DENND1A: variants seen among roughly 807,000 people sequenced by gnomAD.
DENND1A encodes the protein DENN domain containing 1A, also known as DENN domain-containing protein 1A.
A neutral mutation model predicts 113.7 loss-of-function variants in DENND1A; 51 were observed. The ratio of observed to expected loss-of-function variants is 0.45; its 90% CI spans 0.36 to 0.57. The LOEUF (loss-of-function observed/expected upper bound fraction) is 0.57. Among genes scored for constraint, DENND1A ranks in the 20% least tolerant of loss-of-function variants. DENND1A has a pLI of 0.00. For missense variants in DENND1A, 1,258 were observed against 1,395.9 expected, an observed-to-expected ratio of 0.90 and a Z score of 1.57; for synonymous variants, 565 against 570.8, an observed-to-expected ratio of 0.99 and a Z score of 0.14.
chr9:123,450,777 A>G, intron 17 of DENND1A, 28 bp from the exon 18 acceptor site: 1 of 1,589,132 alleles, frequency 6.3e-7, no homozygotes, highest in South Asian at 1.1e-5. Context: ...TTAAGTTAAG[A>G]TTCCCTTTCT....
intron 19 of DENND1A, among the ~76,000 whole-genome samples, chr9:123,430,990 G>A (rs1190606153): frequency 6.6e-6 from 1 of 152,162 alleles, no homozygotes; most frequent in Non-Finnish European, 1.5e-5. Context: ...GTGACAGAGT[G>A]AGGCCCTGTC....
chr9:123,467,264 G>A (rs2049034330), intron 13 of DENND1A, among the ~76,000 whole-genome samples: 2 of 152,148 alleles, frequency 1.3e-5, no homozygotes, highest in Admixed American at 1.3e-4. Context: ...GCAGGCACTA[G>A]AAAATTGTAT....
intron 6 of DENND1A, among the ~76,000 whole-genome samples, chr9:123,672,050 T>A (rs1434352077): frequency 2.0e-5 from 3 of 152,202 alleles, no homozygotes; most frequent in Non-Finnish European, 4.4e-5. Flanking sequence ...TAAGTGTATA[T>A]TTGTATCTAT....
intron 13 of DENND1A, among the ~76,000 whole-genome samples, chr9:123,465,583 A>C (rs10760289): frequency 0.56 from 85,181 of 152,020 alleles, 26,231 homozygotes; most frequent in Non-Finnish European, 0.69. Context: ...ATTCTTTCAC[A>C]ATAGACTTTC....
intron 13 of DENND1A, among the ~76,000 whole-genome samples, chr9:123,505,046 T>A (rs1156518811): frequency 6.6e-6 from 1 of 152,186 alleles, no homozygotes; most frequent in Non-Finnish European, 1.5e-5. Flanking sequence ...AATAATGAAG[T>A]CTTTAGACAG....
In DENND1A at chr9:123,450,715, A is replaced by G; in HGVS notation, c.1334T>C (p.Val445Ala). 6.2e-7 allele frequency: 1 copy of G among 1,609,988 alleles called. No homozygotes were observed. Among genetic ancestry groups the G allele is most frequent in the Non-Finnish European group, 8.5e-7 (1 of 1,178,962 alleles). The change falls in exon 18 of 24, where the codon GTG becomes GCG. Residue 445 changes from valine to alanine, a missense_variant. This residue lies in a region of DENND1A where 1,159 missense variants were observed against 1,231.7 expected (regional missense o/e 0.94). Coordinates refer to ENST00000394215, the MANE Select transcript of DENND1A (RefSeq NM_001352964.2). ...TACCTTTTGCTTCAAGCGGTTTTTCACCTCTTTTATTCCCATTTTTGCATG... is the reference window on the plus strand; with the variant it reads ...TACCTTTTGCTTCAAGCGGTTTTTCGCCTCTTTTATTCCCATTTTTGCATG... ...KDHAKMGIKE[V>A]KNRLKQKDIA...
intron 4 of DENND1A, among the ~76,000 whole-genome samples, chr9:123,766,832 T>G (rs1201701102): frequency 6.6e-6 from 1 of 152,224 alleles, no homozygotes; most frequent in Non-Finnish European, 1.5e-5. Flanking sequence ...AAGAAAAATC[T>G]TAAAACAACA....
intron 19 of DENND1A, chr9:123,413,903 C>T (rs1007687460): frequency 2.7e-5 from 27 of 985,568 alleles, no homozygotes; most frequent in Admixed American, 6.1e-5. Flanking sequence ...CCCCCTCCAC[C>T]GGTGCACAGG....
At position 123,604,675 on chromosome 9, in the gene DENND1A, T is replaced by C. The variant is rs10125100; in HGVS notation, c.765+4761A>G. On this transcript the variant is annotated intron_variant, in intron 11 of 23. Transcript: ENST00000394215. ...GGTCAAGCAGGGGTTTGGAAGTACA[T>C]TTGTCAAATTCTACAGAAGTGTCAC... 5.5e-3 allele frequency among the ~76,000 whole-genome samples: 839 copies of C among 152,282 alleles called. 11 individuals carry two copies. The highest frequency in any genetic ancestry group is 0.019 in the African/African-American group (797 of 41,566).
intron 19 of DENND1A, among the ~76,000 whole-genome samples, chr9:123,416,684 G>A (rs1210053686): frequency 2.0e-5 from 3 of 152,222 alleles, no homozygotes; most frequent in Admixed American, 2.0e-4. Context: ...CAGGAGGGGA[G>A]AGAGGGCCGG....
intron 5 of DENND1A, among the ~76,000 whole-genome samples, chr9:123,714,497 G>A (rs928248680): frequency 2.0e-5 from 3 of 152,182 alleles, no homozygotes; most frequent in Non-Finnish European, 4.4e-5. Flanking sequence ...AGCTACCAGG[G>A]AGGCTGAAGA....
At chr9:123,702,732 A>C (rs2065953957) in intron 5 of DENND1A, among the ~76,000 whole-genome samples, 1 of 151,516 alleles carries the variant, frequency 6.6e-6, no homozygotes, top group African/African-American at 2.5e-5. Flanking sequence ...GAAATGAAGG[A>C]GAGAGAAAGA....
chr9:123,564,540 G>A (rs1045679832), intron 12 of DENND1A, among the ~76,000 whole-genome samples: 1 of 152,206 alleles, frequency 6.6e-6, no homozygotes, highest in Non-Finnish European at 1.5e-5. Context: ...CAGGACCTTT[G>A]CATAGGTTAT....
In DENND1A at chr9:123,564,969, G is replaced by A. The variant is rs146184046; in HGVS notation, c.868-7274C>T. On this transcript the variant is annotated intron_variant, in intron 12 of 23. Coordinates refer to ENST00000394215, the MANE Select transcript of DENND1A (RefSeq NM_001352964.2). ...TGCATTCTGCAAGAATCCAATTAAT[G>A]TCTGTCCCTTCTTTTTTTTTTTTTT... Among the ~76,000 whole-genome samples the A allele has an allele frequency of 5.1e-3, 700 of 136,654 alleles. 2 individuals are homozygous for A. Among genetic ancestry groups the A allele is most frequent in the African/African-American group, 0.018 (671 of 36,752 alleles). The allele number at this position is 136,654 out of a possible 152,430, so 89.7% of individuals were successfully genotyped here. A position where few individuals can be genotyped will look rare whatever the true frequency, so the allele number is the denominator to read the frequency against.
chr9:123,808,660 T>C (rs1339818886), intron 2 of DENND1A, among the ~76,000 whole-genome samples: 1 of 152,134 alleles, frequency 6.6e-6, no homozygotes, highest in East Asian at 1.9e-4. Context: ...TCCCAGGTGA[T>C]GTTGACGCCC....
chr9:123,416,153 T>C (rs755124804), intron 19 of DENND1A, among the ~76,000 whole-genome samples: 1 of 152,064 alleles, frequency 6.6e-6, no homozygotes, highest in Non-Finnish European at 1.5e-5. Flanking sequence ...GTGAAAGTTA[T>C]TCTGAACCTG....
chr9:123,541,764 T>C (rs531004712), intron 13 of DENND1A, among the ~76,000 whole-genome samples: 3 of 152,346 alleles, frequency 2.0e-5, no homozygotes, highest in South Asian at 4.1e-4. Context: ...GCAGGAAAGA[T>C]GCACAGAGGA....
At chr9:123,495,001 A>G (rs1284364282) in intron 13 of DENND1A, among the ~76,000 whole-genome samples, 1 of 152,118 alleles carries the variant, frequency 6.6e-6, no homozygotes, top group Non-Finnish European at 1.5e-5. Flanking sequence ...CATGTTGCCC[A>G]GGCTGGTCTT....
intron 13 of DENND1A, among the ~76,000 whole-genome samples, chr9:123,539,935 T>G (rs2056157382): frequency 6.6e-6 from 1 of 152,128 alleles, no homozygotes; most frequent in Non-Finnish European, 1.5e-5. Context: ...AAGGCAGTTT[T>G]ATGTTTTATT....
Sources: allele counts gnomAD v4.1 joint callset (sites outside exome capture counted in the v4.1 genomes callset), GRCh38; gene constraint gnomAD v4.1.1; regional missense constraint gnomAD v4.1.1; transcripts MANE v1.5; gene names NCBI Gene and HGNC (gene_info 2026-07-23, HGNC 2026-07-21).